AKAP6: variants seen among roughly 807,000 people sequenced by gnomAD.
AKAP6 encodes A-kinase anchor protein 6.
AKAP6 carries 58 observed loss-of-function variants against 188.5 expected under a neutral mutation model. That is an observed-to-expected ratio of 0.31 (90% CI 0.25 to 0.38). The LOEUF is 0.38. Ranked by LOEUF, AKAP6 falls within the 10% of genes least tolerant of loss-of-function variation. The pLI is 1.00. For missense variants in AKAP6, 2,710 were observed against 2,740.0 expected (o/e 0.99, Z 0.24); for synonymous variants, 989 against 998.6 (o/e 0.99, Z 0.18).
rs554142517 is a variant in AKAP6 at position 32,787,603 on chromosome 14, G to A, written c.3588+13710G>A. On this transcript the variant is annotated intron_variant, in intron 12 of 13. Transcript: ENST00000280979. ...TGGCAATTATTTTTATAAGGCTAGA[G>A]TTTAAGTGAAAAACCTCCTGTAAAA... 8.5e-4 allele frequency among the ~76,000 whole-genome samples: 129 copies of A among 152,204 alleles called. 1 individual carries two copies. Among genetic ancestry groups the A allele is most frequent in the African/African-American group, 2.9e-3 (121 of 41,532 alleles).
At chr14:32,598,287 A>G (rs947882555) in intron 5 of AKAP6, among the ~76,000 whole-genome samples, 9 of 152,198 alleles carry the variant, frequency 5.9e-5, no homozygotes, top group African/African-American at 2.2e-4. Flanking sequence ...GAGACTTATC[A>G]TGGAGATGCC....
intron 5 of AKAP6, among the ~76,000 whole-genome samples, chr14:32,585,657 TG>T (rs1885202012): frequency 6.6e-6 from 1 of 152,216 alleles, no homozygotes; most frequent in Non-Finnish European, 1.5e-5. Context: ...GACCCATAAA[TG>T]ACTAACAATT....
At chr14:32,430,142 A>C (rs1890166854) in intron 1 of AKAP6, among the ~76,000 whole-genome samples, 1 of 152,222 alleles carries the variant, frequency 6.6e-6, no homozygotes, top group Non-Finnish European at 1.5e-5. Flanking sequence ...GACAAAATGG[A>C]GAACCATCAT....
Position 32,363,620 on chromosome 14 carries a change from G to A in AKAP6, c.-35+34212G>A, listed in dbSNP as rs138178138. Among the ~76,000 whole-genome samples the A allele has an allele frequency of 1.7e-3, 261 of 152,282 alleles. 1 individual carries two copies. Among genetic ancestry groups the A allele is most frequent in the African/African-American group, 6.0e-3 (248 of 41,564 alleles). On this transcript the variant is annotated intron_variant, in intron 1 of 13. Transcript: ENST00000280979. ...GCATCCAGCATGGGAGAAAGATGAA[G>A]GCCAGAAGACTCAGCAAGTCTGCTC...
chr14:32,414,195 T>A (rs912636098), intron 1 of AKAP6, among the ~76,000 whole-genome samples: 1 of 152,110 alleles, frequency 6.6e-6, no homozygotes, highest in African/African-American at 2.4e-5. Flanking sequence ...TTTGATTTCA[T>A]AAGGTCTAGA....
intron 2 of AKAP6, among the ~76,000 whole-genome samples, chr14:32,485,173 T>C (rs1183916788): frequency 9.6e-6 from 1 of 103,740 alleles, no homozygotes; most frequent in Non-Finnish European, 1.8e-5. Flanking sequence ...TAATATTCCA[T>C]GATGTATATG....
intron 5 of AKAP6, among the ~76,000 whole-genome samples, chr14:32,577,647 A>T (rs1003781043): frequency 3.3e-5 from 5 of 152,146 alleles, no homozygotes; most frequent in Non-Finnish European, 7.4e-5. Context: ...AAGAGGGTCT[A>T]CATTATCTGT....
At chr14:32,704,743 G>A (rs1296244978) in intron 9 of AKAP6, among the ~76,000 whole-genome samples, 1 of 152,002 alleles carries the variant, frequency 6.6e-6, no homozygotes, top group African/African-American at 2.4e-5. Context: ...TGACAAAGAG[G>A]TATTAATATA....
intron 4 of AKAP6, among the ~76,000 whole-genome samples, chr14:32,576,349 T>C (rs1055698358): frequency 8.5e-5 from 13 of 152,258 alleles, no homozygotes; most frequent in African/African-American, 2.6e-4. Context: ...AGGTTTGCAG[T>C]TGGGCTTTCA....
intron 5 of AKAP6, among the ~76,000 whole-genome samples, chr14:32,597,924 T>C (rs1885771059): frequency 1.3e-5 from 2 of 152,164 alleles, no homozygotes; most frequent in South Asian, 2.1e-4. Context: ...TTTTCTCTGC[T>C]AAGAAAAGGA....
chr14:32,404,711 T>TATATATATATATATA (rs1555325855), intron 1 of AKAP6, among the ~76,000 whole-genome samples: 38 of 128,474 alleles, frequency 3.0e-4, no homozygotes, highest in East Asian at 6.9e-4. Flanking sequence ...TATATATATA[T>TATATATATATATATA]TAGTCAGAAT....
At chr14:32,724,972 T>A (rs2030767599) in intron 9 of AKAP6, among the ~76,000 whole-genome samples, 1 of 120,628 alleles carries the variant, frequency 8.3e-6, no homozygotes, top group East Asian at 2.4e-4. Flanking sequence ...CTTGGCTTTG[T>A]GTCATTTATA....
rs1883227946 is a variant in AKAP6, at chr14:32,546,944, T to G, written c.2291T>G (p.Leu764Arg). The G allele has an allele frequency of 1.2e-6, 2 of 1,610,718 alleles. No homozygotes were observed. Among genetic ancestry groups the G allele is most frequent in the Non-Finnish European group, 1.7e-6 (2 of 1,179,922 alleles). The change falls in exon 4 of 14, where the codon CTG becomes CGG. Residue 764 changes from leucine to arginine, a missense_variant. Leu to Arg is a moderately radical substitution (Grantham distance 102, BLOSUM62 -2). Around this residue, in one of 2 missense-constraint regions of AKAP6, gnomAD observed 2,473 missense variants for 2,426.1 expected, o/e 1.02. Transcript: ENST00000280979. Reference sequence around the variant, plus strand: ...ACTAAATCAGCTTTAATTCAGAAACTGATGCAAGATATTCAGCACCAAGAC... The same window carrying G: ...ACTAAATCAGCTTTAATTCAGAAACGGATGCAAGATATTCAGCACCAAGAC... ...SATKSALIQK[L>R]MQDIQHQDNY...
rs1351556073 is a variant in AKAP6 at position 32,747,012 on chromosome 14, A to G, written c.3372+11130A>G. ...CTCTGAAAAGGAGTATCACTGATTT[A>G]CTTTTACAGAATAAAGGAAGAAAAG... On this transcript the variant is annotated intron_variant, in intron 11 of 13. Coordinates refer to ENST00000280979, the MANE Select transcript of AKAP6 (RefSeq NM_004274.5). Among the ~76,000 whole-genome samples, 3 of 152,218 alleles carry G rather than the reference A, an allele frequency of 2.0e-5. No homozygotes were observed. In the East Asian group the frequency reaches 5.8e-4, roughly 29 times the overall value.
At chr14:32,793,721 A>G (rs1594951678) in intron 12 of AKAP6, among the ~76,000 whole-genome samples, 1 of 151,956 alleles carries the variant, frequency 6.6e-6, no homozygotes, top group African/African-American at 2.4e-5. Flanking sequence ...AACAGAATAT[A>G]CAGTCTTTAA....
At chr14:32,752,769 G>A (rs1347070618) in intron 11 of AKAP6, among the ~76,000 whole-genome samples, 1 of 152,108 alleles carries the variant, frequency 6.6e-6, no homozygotes, top group Non-Finnish European at 1.5e-5. Flanking sequence ...ATATAAATGA[G>A]ATCACGCAGT....
chr14:32,507,720 A>G (rs543300715), intron 2 of AKAP6, among the ~76,000 whole-genome samples: 14 of 152,366 alleles, frequency 9.2e-5, no homozygotes, highest in African/African-American at 3.4e-4. Flanking sequence ...GGCCTGGGAC[A>G]GGCATTGTAG....
chr14:32,575,108 A>G (rs1411246890), intron 4 of AKAP6, among the ~76,000 whole-genome samples: 1 of 152,138 alleles, frequency 6.6e-6, no homozygotes, highest in Non-Finnish European at 1.5e-5. Flanking sequence ...TACTGAGAAG[A>G]CTGAGCTTGA....
chr14:32,812,915 G>A (rs570121835), intron 12 of AKAP6, among the ~76,000 whole-genome samples: 6 of 152,180 alleles, frequency 3.9e-5, no homozygotes, highest in Non-Finnish European at 5.9e-5. Context: ...GACAGCAAAT[G>A]TGTGGGGTTT....
Sources: gnomAD v4.1 joint callset for allele counts (sites outside exome capture counted in the v4.1 genomes callset) on GRCh38, gnomAD v4.1.1 for gene constraint, gnomAD v4.1.1 regional missense constraint, MANE v1.5 for transcripts, NCBI Gene and HGNC (gene_info 2026-07-23, HGNC 2026-07-21) for gene names.